The following SPOCK3 variants were observed in gnomAD, a reference collection of about 807,000 sequenced individuals.
SPOCK3 encodes testican-3.
In SPOCK3, 30 loss-of-function variants were observed where a neutral mutation model predicts 56.6. The ratio of observed to expected loss-of-function variants is 0.53; its 90% CI spans 0.40 to 0.72. The LOEUF (loss-of-function observed/expected upper bound fraction) is 0.72, where lower values mean the gene tolerates loss of function less well. SPOCK3 is among the 30% of genes least tolerant of loss of function. The pLI, the probability that SPOCK3 is intolerant of heterozygous loss-of-function variation, is 0.00. For synonymous variants in SPOCK3, 196 were observed against 183.3 expected (o/e 1.07, Z -0.56); for missense variants, 527 against 530.0 (o/e 0.99, Z 0.06).
chr4:166,904,245 G>T (rs1579597903), intron 5 of SPOCK3, among the ~76,000 whole-genome samples: 2 of 151,884 alleles, frequency 1.3e-5, no homozygotes, highest in South Asian at 4.1e-4. Flanking sequence ...GTGTATGTTA[G>T]TGTATGTTAT....
chr4:166,869,738 C>T (rs1732260532), intron 6 of SPOCK3, among the ~76,000 whole-genome samples: 2 of 151,890 alleles, frequency 1.3e-5, no homozygotes, highest in Admixed American at 1.3e-4. Context: ...CTGGAAAACA[C>T]TGACTCTTTT....
rs528183849 is a variant in SPOCK3 at position 167,169,157 on chromosome 4, G to A, written c.189+64828C>T. On this transcript the variant is annotated intron_variant, in intron 2 of 10. Coordinates refer to ENST00000357545, the MANE Select transcript of SPOCK3 (RefSeq NM_001040159.2). ...GGTGAACCTCTACTAGGGCAGTGCA[G>A]AAGGGAAATGTGGGGTTGAAGCCCC... 2.6e-5 allele frequency among the ~76,000 whole-genome samples: 4 copies of A among 152,336 alleles called. No individual in the cohort carries two copies. In the East Asian group the frequency reaches 7.7e-4, roughly 29 times the overall value.
intron 10 of SPOCK3, among the ~76,000 whole-genome samples, chr4:166,736,132 G>C (rs1010829239): frequency 6.6e-6 from 1 of 151,924 alleles, no homozygotes. Context: ...GATCTCACAA[G>C]ACAACACACT....
At chr4:166,995,413 C>A (rs1028325115) in intron 4 of SPOCK3, among the ~76,000 whole-genome samples, 10 of 151,926 alleles carry the variant, frequency 6.6e-5, no homozygotes, top group African/African-American at 2.4e-4. Flanking sequence ...AAAACTTTTG[C>A]AAACCTTCGT....
chr4:167,199,789 T>C (rs1192660788), intron 2 of SPOCK3, among the ~76,000 whole-genome samples: 2 of 138,328 alleles, frequency 1.4e-5, no homozygotes, highest in Non-Finnish European at 3.2e-5. Flanking sequence ...AATGAAATCA[T>C]AGAAAAATTT....
intron 6 of SPOCK3, among the ~76,000 whole-genome samples, chr4:166,838,920 C>A (rs1286149170): frequency 2.0e-5 from 3 of 150,964 alleles, no homozygotes; most frequent in Non-Finnish European, 4.4e-5. Context: ...CGAGATTGTG[C>A]CACTGCACTC....
At chr4:166,870,618 T>A (rs943930462) in intron 6 of SPOCK3, among the ~76,000 whole-genome samples, 2 of 152,090 alleles carry the variant, frequency 1.3e-5, no homozygotes, top group African/African-American at 2.4e-5. Context: ...CAAGTCAAGA[T>A]GAAGTCTGAA....
At chr4:166,948,927 C>T (rs943954223) in intron 4 of SPOCK3, among the ~76,000 whole-genome samples, 1 of 152,158 alleles carries the variant, frequency 6.6e-6, no homozygotes, top group African/African-American at 2.4e-5. Flanking sequence ...GGATAATATC[C>T]TGCAGAGTGT....
intron 6 of SPOCK3, among the ~76,000 whole-genome samples, chr4:166,823,360 T>A (rs1236794845): frequency 6.6e-6 from 1 of 151,854 alleles, no homozygotes; most frequent in Non-Finnish European, 1.5e-5. Context: ...GGTGCCTGAG[T>A]CACAACATGA....
chr4:166,747,086 AC>A (rs36142209), intron 8 of SPOCK3, among the ~76,000 whole-genome samples: 119,902 of 151,830 alleles, frequency 0.79, 47,595 homozygotes, highest in South Asian at 0.82. Context: ...TCCTTCTGAA[AC>A]TATTCCAATC....
chr4:166,751,980 T>C (rs1410584876), intron 8 of SPOCK3, among the ~76,000 whole-genome samples: 1 of 152,170 alleles, frequency 6.6e-6, no homozygotes, highest in Non-Finnish European at 1.5e-5. Context: ...AACATTTTTT[T>C]CCCTTGGAAA....
chr4:167,179,745 G>A (rs1038848762), intron 2 of SPOCK3, among the ~76,000 whole-genome samples: 1 of 152,090 alleles, frequency 6.6e-6, no homozygotes, highest in Non-Finnish European at 1.5e-5. Context: ...TTCATTCACG[G>A]TATGTAAGAG....
At chr4:166,943,314 G>A (rs1741327360) in intron 4 of SPOCK3, among the ~76,000 whole-genome samples, 1 of 152,142 alleles carries the variant, frequency 6.6e-6, no homozygotes, top group Non-Finnish European at 1.5e-5. Flanking sequence ...CTGGTCATAG[G>A]CATTTCTTTG....
At chr4:167,188,153 C>A (rs147955547) in intron 2 of SPOCK3, among the ~76,000 whole-genome samples, 1 of 146,054 alleles carries the variant, frequency 6.8e-6, no homozygotes, top group Non-Finnish European at 1.5e-5. Context: ...GACTCATGCA[C>A]GAAAGGTATA....
intron 4 of SPOCK3, among the ~76,000 whole-genome samples, chr4:166,972,939 T>G (rs1745544622): frequency 6.6e-6 from 1 of 152,164 alleles, no homozygotes; most frequent in Non-Finnish European, 1.5e-5. Flanking sequence ...CTTTCTCATT[T>G]TAAACTACAA....
At chr4:166,765,275 G>T (rs7441050) in intron 7 of SPOCK3, among the ~76,000 whole-genome samples, 22 of 152,008 alleles carry the variant, frequency 1.4e-4, no homozygotes, top group African/African-American at 4.1e-4. Context: ...CCTATGTCCT[G>T]AATGGTATTG....
At chr4:166,804,911 T>C (rs1251858701) in intron 6 of SPOCK3, among the ~76,000 whole-genome samples, 2 of 152,094 alleles carry the variant, frequency 1.3e-5, no homozygotes, top group Admixed American at 6.6e-5. Context: ...TGAGGAAATG[T>C]TCCAAAGTCA....
intron 2 of SPOCK3, among the ~76,000 whole-genome samples, chr4:167,180,005 G>A (rs1731310370): frequency 6.6e-6 from 1 of 152,174 alleles, no homozygotes; most frequent in Non-Finnish European, 1.5e-5. Flanking sequence ...CTGCAAGAAG[G>A]GAATGTGGCT....
At chr4:166,740,397 G>T (rs568250869) in intron 9 of SPOCK3, among the ~76,000 whole-genome samples, 23 of 151,464 alleles carry the variant, frequency 1.5e-4, no homozygotes, top group Non-Finnish European at 2.7e-4. Context: ...GCTACTAATA[G>T]AATTTAAGTA....
Sources: gnomAD v4.1 joint callset for allele counts (sites outside exome capture counted in the v4.1 genomes callset) on GRCh38, gnomAD v4.1.1 for gene constraint, MANE v1.5 for transcripts, NCBI Gene and HGNC (gene_info 2026-07-23, HGNC 2026-07-21) for gene names.